ANGEL1: variants seen among roughly 807,000 people sequenced by gnomAD.
The protein encoded by ANGEL1 is RNA 2',3'-cyclic phosphatase ANGEL1.
A neutral mutation model predicts 76.4 loss-of-function variants in ANGEL1; 62 were observed. That is an observed-to-expected ratio of 0.81 (90% confidence interval 0.66 to 1.00). The LOEUF (loss-of-function observed/expected upper bound fraction) is 1.00. ANGEL1 is among the 50% of genes least tolerant of loss of function. The probability of loss-of-function intolerance (pLI) is 0.00; values close to 1 mark genes in which losing one functional copy is unlikely to be tolerated. For missense variants in ANGEL1, 737 were observed against 836.7 expected (o/e 0.88, Z 1.47); for synonymous variants, 340 against 331.7 (o/e 1.03, Z -0.27).
intron 7 of ANGEL1, among the ~76,000 whole-genome samples, chr14:76,801,858 C>A (rs1894773571): frequency 6.6e-6 from 1 of 152,070 alleles, no homozygotes. Context: ...CTCTTTCTTT[C>A]ATAAAGACAA....
chr14:76,812,401 C>G, intron 1 of ANGEL1: 7 of 1,089,222 alleles, frequency 6.4e-6, no homozygotes, highest in Non-Finnish European at 7.8e-6. Context: ...TAGGTCCGAG[C>G]TACTACCCCT....
intron 1 of ANGEL1, among the ~76,000 whole-genome samples, chr14:76,811,921 A>G (rs1389840239): frequency 6.6e-6 from 1 of 152,226 alleles, no homozygotes; most frequent in Non-Finnish European, 1.5e-5. Flanking sequence ...AGTTCCACAA[A>G]GGAAAACCAC....
chr14:76,790,582 T>A (rs533899993), intron 9 of ANGEL1, 29 bp downstream of exon 9: 3 of 1,578,976 alleles, frequency 1.9e-6, no homozygotes, highest in Non-Finnish European at 2.6e-6. Flanking sequence ...GACCTGGGGG[T>A]GGAGGAACCC....
intron 7 of ANGEL1, among the ~76,000 whole-genome samples, chr14:76,795,817 G>C (rs1176288157): frequency 1.3e-5 from 2 of 152,188 alleles, no homozygotes; most frequent in Non-Finnish European, 2.9e-5. Context: ...TGATTCCGCT[G>C]CATCTGGATG....
chr14:76,793,557 G>T (rs118078753), intron 7 of ANGEL1, among the ~76,000 whole-genome samples: 29 of 131,860 alleles, frequency 2.2e-4, no homozygotes, highest in African/African-American at 5.4e-4. Context: ...GGTTTTTTTG[G>T]TTTTTTTTTT....
intron 9 of ANGEL1, 80 bp from the exon 10 acceptor site, chr14:76,789,468 G>A (rs1468812938): frequency 1.3e-6 from 2 of 1,536,922 alleles, no homozygotes; most frequent in Non-Finnish European, 1.8e-6. Context: ...AGTCCTTTGG[G>A]AACGCCTTCT....
intron 1 of ANGEL1, among the ~76,000 whole-genome samples, chr14:76,809,865 T>C (rs1300243237): frequency 1.3e-5 from 2 of 152,246 alleles, no homozygotes; most frequent in Non-Finnish European, 2.9e-5. Flanking sequence ...TTGACTAATT[T>C]ATATGGCAGG....
chr14:76,812,408 C>T (rs972017050), intron 1 of ANGEL1: 118 of 1,100,804 alleles, frequency 1.1e-4, no homozygotes, highest in South Asian at 1.3e-4. Flanking sequence ...GAGCTACTAC[C>T]CCTTCCCGAC....
chr14:76,790,436 C>T (rs1317647516), intron 9 of ANGEL1, among the ~76,000 whole-genome samples, 175 bp downstream of exon 9: 2 of 152,158 alleles, frequency 1.3e-5, no homozygotes, highest in African/African-American at 4.8e-5. Flanking sequence ...AGAGACAAGG[C>T]AGGCAAGTGG....
rs768948312 is a variant in ANGEL1, at chr14:76,803,488, A to G, written c.1508-7T>C. 7 of 1,613,740 alleles carry G rather than the reference A, an allele frequency of 4.3e-6. No individual in the cohort carries two copies. In the East Asian group the frequency reaches 6.7e-5, roughly 15 times the overall value. ...CGGCCATACTTGCGTCTCTCTGTAA[A>G]CCAGGAAAAGACATATAGTGAAAGA... On this transcript the variant is annotated splice_region_variant and splice_polypyrimidine_tract_variant and intron_variant, in intron 6 of 9. Coordinates refer to ENST00000251089, the MANE Select transcript of ANGEL1 (RefSeq NM_015305.4).
chr14:76,790,909 T>C (rs368554522), intron 8 of ANGEL1, 135 bp from the exon 9 acceptor site: 97 of 1,276,992 alleles, frequency 7.6e-5, no homozygotes, highest in Non-Finnish European at 9.1e-5. Flanking sequence ...TTCCTCCCCA[T>C]GCTAAGAAGG....
intron 8 of ANGEL1, 120 bp from the exon 9 acceptor site, chr14:76,790,894 G>T: frequency 7.4e-7 from 1 of 1,346,092 alleles, no homozygotes; most frequent in Non-Finnish European, 9.8e-7. Flanking sequence ...CTCAATCTCA[G>T]CCAATTCCTC....
Position 76,806,714 on chromosome 14 carries a change from C to CTT in ANGEL1, c.1081_1082insAA (p.Arg361GlnfsTer7), listed in dbSNP as rs781328013. On this transcript the variant is annotated frameshift_variant, in exon 5 of 10. Coordinates refer to ENST00000251089, the MANE Select transcript of ANGEL1 (RefSeq NM_015305.4). LOFTEE classifies it high-confidence loss of function. ...TAGCAACACTAAGCCCACATTATCC[C>CTT]GATTAAGTAGCTCCAAGCCAGGCCG... 6 of 1,613,966 alleles carry CTT rather than the reference C, an allele frequency of 3.7e-6. No individual in the cohort carries two copies. The African/African-American group carries it at 5.3e-5, about 14-fold the overall frequency.
At chr14:76,806,360 G>A (rs956999153) in intron 5 of ANGEL1, 56 bp downstream of exon 5, 8 of 1,542,054 alleles carry the variant, frequency 5.2e-6, no homozygotes, top group Middle Eastern at 2.1e-4. Flanking sequence ...TGATGCTAAC[G>A]CCTGAATCTC....
chr14:76,799,540 G>A (rs1354631992), intron 7 of ANGEL1, among the ~76,000 whole-genome samples: 2 of 151,862 alleles, frequency 1.3e-5, no homozygotes, highest in African/African-American at 2.4e-5. Flanking sequence ...TGATCCGCCC[G>A]CCTCAGCCTC....
At chr14:76,804,301 A>G in intron 5 of ANGEL1, 1 of 1,218,136 alleles carries the variant, frequency 8.2e-7, no homozygotes, top group Non-Finnish European at 1.0e-6. Flanking sequence ...TTCTGGATCA[A>G]GGTCTAATAT....
chr14:76,804,927 A>G (rs771790366), intron 5 of ANGEL1, among the ~76,000 whole-genome samples: 3 of 151,926 alleles, frequency 2.0e-5, no homozygotes, highest in Non-Finnish European at 4.4e-5. Flanking sequence ...GGAGAATCAC[A>G]TGAACCCAGG....
At chr14:76,805,009 CAAAAAATA>C (rs914545017) in intron 5 of ANGEL1, among the ~76,000 whole-genome samples, 11 of 133,222 alleles carry the variant, frequency 8.3e-5, no homozygotes, top group African/African-American at 2.7e-4. Context: ...GACTCTGTCT[CAAAAAATA>C]AATAAATAAA....
chr14:76,806,541 T>G lies in ANGEL1; in HGVS notation c.1255A>C (p.Arg419=), dbSNP rs545975860. 7 of 1,614,220 alleles carry G rather than the reference T, an allele frequency of 4.3e-6. No homozygotes were observed. The highest frequency in any genetic ancestry group is 5.9e-6 in the Non-Finnish European group (7 of 1,180,032). The change falls in exon 5 of 10, where the codon AGA becomes CGA. Residue 419 remains arginine (R), a synonymous_variant. Transcript: ENST00000251089. ...ILLAEVDKVA[R]LSDGSHCPII... ...GGGCAGTGGCTGCCATCTGACAGTCTGGCCACCTTGTCCACTTCCGCCAGG... is the reference window on the plus strand; with the variant it reads ...GGGCAGTGGCTGCCATCTGACAGTCGGGCCACCTTGTCCACTTCCGCCAGG...
Sources: gnomAD v4.1 joint callset for allele counts (sites outside exome capture counted in the v4.1 genomes callset) on GRCh38, gnomAD v4.1.1 for gene constraint, MANE v1.5 for transcripts, NCBI Gene and HGNC (gene_info 2026-07-23, HGNC 2026-07-21) for gene names.